Variants in TNKS observed in about 807,000 individuals in gnomAD.
The protein encoded by TNKS is tankyrase.
A neutral mutation model predicts 135.8 loss-of-function variants in TNKS; 72 were observed. That is an observed-to-expected ratio of 0.53 (90% CI 0.44 to 0.64). TNKS has a LOEUF of 0.64. TNKS is among the 30% of genes least tolerant of loss of function. The pLI, the probability that TNKS is intolerant of heterozygous loss-of-function variation, is 0.00. For synonymous variants in TNKS, 849 were observed against 649.3 expected (o/e 1.31, Z -4.68); for missense variants, 1,769 against 1,674.0 (o/e 1.06, Z -0.99).
At chr8:9,738,913 G>C (rs1246668725) in intron 17 of TNKS, among the ~76,000 whole-genome samples, 2 of 149,750 alleles carry the variant, frequency 1.3e-5, no homozygotes, top group Non-Finnish European at 3.0e-5. Context: ...ATGTCTATTA[G>C]GTCTGCTTGG....
chr8:9,573,522 C>G (rs1160399506), intron 1 of TNKS, among the ~76,000 whole-genome samples: 1 of 152,104 alleles, frequency 6.6e-6, no homozygotes, highest in East Asian at 1.9e-4. Flanking sequence ...TTAGGCCTAA[C>G]CTTAAATATG....
At chr8:9,683,228 C>G (rs1259299299) in intron 5 of TNKS, among the ~76,000 whole-genome samples, 2 of 151,840 alleles carry the variant, frequency 1.3e-5, no homozygotes, top group East Asian at 3.9e-4. Flanking sequence ...GACAAGATCC[C>G]TTGGTTATGT....
At position 9,776,864 on chromosome 8, in the gene TNKS, T is replaced by C. The variant is rs1808248679; in HGVS notation, c.*128T>C. The C allele has an allele frequency of 3.6e-6, 3 of 833,266 alleles. No homozygotes were observed. The highest frequency in any genetic ancestry group is 2.3e-5 in the Admixed American group (1 of 43,614). 51.6% of individuals were successfully genotyped at this position (833,266 alleles called of 1,614,324 possible). ...CTAGAAATAAGCTGTTTGTCTTCTATAAAGCATTGCTATAGTGATGAATAG... is the reference window on the plus strand; with the variant it reads ...CTAGAAATAAGCTGTTTGTCTTCTACAAAGCATTGCTATAGTGATGAATAG... On this transcript the variant is annotated 3_prime_UTR_variant, in exon 27 of 27. Transcript: ENST00000310430.
At chr8:9,580,433 C>CT (rs781000080) in intron 2 of TNKS, 50 bp downstream of exon 2, 4 of 1,546,670 alleles carry the variant, frequency 2.6e-6, no homozygotes, top group Non-Finnish European at 3.5e-6. Context: ...TTTATTCTTA[C>CT]TTTTTTTGTG....
At chr8:9,582,996 C>G (rs1348938633) in intron 2 of TNKS, among the ~76,000 whole-genome samples, 1 of 151,884 alleles carries the variant, frequency 6.6e-6, no homozygotes, top group African/African-American at 2.4e-5. Flanking sequence ...GAAACCCCAT[C>G]TCTACTAAAA....
intron 3 of TNKS, 114 bp from the exon 4 acceptor site, chr8:9,679,837 G>T (rs1802703879): frequency 3.6e-6 from 3 of 832,454 alleles, no homozygotes; most frequent in East Asian, 2.5e-5. Context: ...ACCCAGCGGG[G>T]TGTGGACTCT....
intron 3 of TNKS, among the ~76,000 whole-genome samples, chr8:9,679,130 GT>G (rs1457518290): frequency 6.6e-6 from 1 of 152,038 alleles, no homozygotes; most frequent in East Asian, 1.9e-4. Flanking sequence ...TTAAAATCTT[GT>G]GATAAAATAG....
chr8:9,670,131 G>T (rs1289821283), intron 3 of TNKS: 2 of 152,166 alleles, frequency 1.3e-5, no homozygotes, highest in East Asian at 1.9e-4. Context: ...TCCACATTTC[G>T]TTCAGTTGAA....
chr8:9,619,101 T>C (rs886499088), intron 3 of TNKS, among the ~76,000 whole-genome samples: 3 of 152,216 alleles, frequency 2.0e-5, no homozygotes, highest in East Asian at 1.9e-4. Flanking sequence ...ATCAATTCTG[T>C]TGGAAGTGTG....
chr8:9,566,830 G>T (rs796566215), intron 1 of TNKS, among the ~76,000 whole-genome samples: 233 of 151,222 alleles, frequency 1.5e-3, no homozygotes, highest in Admixed American at 0.011. Flanking sequence ...GGATGGTCTC[G>T]ATCTCCTGCC....
chr8:9,724,781 G>C (rs1461265190), intron 12 of TNKS, among the ~76,000 whole-genome samples: 1 of 152,058 alleles, frequency 6.6e-6, no homozygotes, highest in Non-Finnish European at 1.5e-5. Context: ...TTTTCTCATA[G>C]TTCCAGAAGC....
chr8:9,729,096 T>C (rs563753045), intron 13 of TNKS, among the ~76,000 whole-genome samples: 1 of 152,276 alleles, frequency 6.6e-6, no homozygotes, highest in Admixed American at 6.5e-5. Context: ...TGCTGCCTCT[T>C]CTGGAGGGGA....
At chr8:9,776,181 T>C (rs564378285) in intron 26 of TNKS, among the ~76,000 whole-genome samples, 24 of 152,146 alleles carry the variant, frequency 1.6e-4, no homozygotes, top group Admixed American at 3.3e-4. Flanking sequence ...TTCTGGGTTA[T>C]TGGTGACTCA....
chr8:9,654,002 C>T (rs1801245521), intron 3 of TNKS, among the ~76,000 whole-genome samples: 1 of 152,186 alleles, frequency 6.6e-6, no homozygotes, highest in African/African-American at 2.4e-5. Context: ...TGGCCATTAG[C>T]AGCTCTGGGA....
chr8:9,646,305 A>G (rs1256788932), intron 3 of TNKS, among the ~76,000 whole-genome samples: 2 of 152,050 alleles, frequency 1.3e-5, no homozygotes, highest in East Asian at 1.9e-4. Context: ...TTGGCCTCCA[A>G]ACGAATAATG....
chr8:9,766,515 T>C lies in TNKS; in HGVS notation c.3740+90T>C, dbSNP rs2128837468. ...TTTTTTTTTTTTTTGAGATGAAGTC[T>C]TGCTCTTGTCACCCAGGCTGGAGTG... On this transcript the variant is annotated intron_variant, in intron 25 of 26. Transcript: ENST00000310430. The C allele has an allele frequency of 2.5e-6, 3 of 1,208,922 alleles. No individual in the cohort carries two copies. The East Asian group carries it at 8.1e-5, about 32-fold the overall frequency. 74.9% of individuals were successfully genotyped at this position (1,208,922 alleles called of 1,614,324 possible).
intron 1 of TNKS, among the ~76,000 whole-genome samples, chr8:9,572,211 A>C (rs532049780): frequency 1.8e-4 from 28 of 152,336 alleles, no homozygotes; most frequent in African/African-American, 6.7e-4. Flanking sequence ...TTTGACTTTT[A>C]CATGGAAATA....
chr8:9,761,736 A>T (rs917055250), intron 21 of TNKS, 100 bp downstream of exon 21: 5 of 1,239,308 alleles, frequency 4.0e-6, no homozygotes, highest in Non-Finnish European at 5.5e-6. Context: ...CCAGAACCAT[A>T]CACTGAACTA....
At chr8:9,561,937 C>A (rs940251859) in intron 1 of TNKS, among the ~76,000 whole-genome samples, 1 of 152,152 alleles carries the variant, frequency 6.6e-6, no homozygotes, top group African/African-American at 2.4e-5. Flanking sequence ...CTGCCTCAGC[C>A]TCCTGAGTAG....
Sources: gnomAD v4.1 joint callset for allele counts (sites outside exome capture counted in the v4.1 genomes callset) on GRCh38, gnomAD v4.1.1 for gene constraint, MANE v1.5 for transcripts, NCBI Gene and HGNC (gene_info 2026-07-23, HGNC 2026-07-21) for gene names.